CDK14: variants seen among roughly 807,000 people sequenced by gnomAD.
The protein encoded by CDK14 is cyclin-dependent kinase 14.
CDK14 carries 34 observed loss-of-function variants against 60.7 expected under a neutral mutation model. The ratio of observed to expected loss-of-function variants is 0.56; its 90% CI spans 0.43 to 0.75. The LOEUF (loss-of-function observed/expected upper bound fraction) is 0.75. CDK14 is among the 30% of genes least tolerant of loss of function. The pLI, the probability that CDK14 is intolerant of heterozygous loss-of-function variation, is 0.00. For missense variants in CDK14, 482 were observed against 564.1 expected, an observed-to-expected ratio of 0.85 and a Z score of 1.47; for synonymous variants, 197 against 203.7, an observed-to-expected ratio of 0.97 and a Z score of 0.28.
At chr7:90,810,322 A>G (rs1232335845) in intron 5 of CDK14, among the ~76,000 whole-genome samples, 1 of 152,234 alleles carries the variant, frequency 6.6e-6, no homozygotes, top group African/African-American at 2.4e-5. Flanking sequence ...CAACATATGC[A>G]AATCAAAAAA....
At chr7:90,843,967 A>G (rs546875767) in intron 5 of CDK14, among the ~76,000 whole-genome samples, 5 of 152,084 alleles carry the variant, frequency 3.3e-5, no homozygotes, top group Non-Finnish European at 5.9e-5. Flanking sequence ...AAAGGTAAGC[A>G]TTTTCACCCT....
At chr7:90,918,215 T>G (rs572111940) in intron 8 of CDK14, among the ~76,000 whole-genome samples, 1 of 152,182 alleles carries the variant, frequency 6.6e-6, no homozygotes, top group Non-Finnish European at 1.5e-5. Flanking sequence ...TACACAATAA[T>G]GTACATTGCC....
chr7:90,723,486 C>T (rs1255412289), intron 2 of CDK14, among the ~76,000 whole-genome samples: 5 of 152,096 alleles, frequency 3.3e-5, no homozygotes, highest in African/African-American at 4.8e-5. Flanking sequence ...GCCGGCTTTC[C>T]CCAGGTCTGG....
intron 12 of CDK14, among the ~76,000 whole-genome samples, chr7:91,084,842 C>T (rs112174265): frequency 6.6e-5 from 10 of 152,318 alleles, no homozygotes; most frequent in East Asian, 1.9e-4. Flanking sequence ...CAAAAGTGCA[C>T]GCTTACGATG....
chr7:90,811,481 G>A (rs2117042783), intron 5 of CDK14, among the ~76,000 whole-genome samples: 1 of 152,302 alleles, frequency 6.6e-6, no homozygotes, highest in South Asian at 2.1e-4. Context: ...ATGGATTAAA[G>A]ACTTAAACGT....
At chr7:90,687,518 CAGT>C (rs1257195012) in intron 2 of CDK14, among the ~76,000 whole-genome samples, 1 of 151,832 alleles carries the variant, frequency 6.6e-6, no homozygotes, top group Non-Finnish European at 1.5e-5. Flanking sequence ...AAGATGGAAA[CAGT>C]AGTACTGAAA....
intron 7 of CDK14, among the ~76,000 whole-genome samples, chr7:90,913,423 A>G (rs937288249): frequency 1.3e-5 from 2 of 152,236 alleles, no homozygotes; most frequent in Admixed American, 1.3e-4. Flanking sequence ...CTAAAAGTTC[A>G]TAGAAAAATT....
At chr7:90,679,496 A>G (rs1295957699) in intron 2 of CDK14, among the ~76,000 whole-genome samples, 1 of 152,158 alleles carries the variant, frequency 6.6e-6, no homozygotes, top group East Asian at 1.9e-4. Context: ...ATTATCCCTC[A>G]CCAAATAAAT....
chr7:91,169,598 A>T (rs1052041843), intron 14 of CDK14, among the ~76,000 whole-genome samples: 1 of 152,222 alleles, frequency 6.6e-6, no homozygotes, highest in African/African-American at 2.4e-5. Flanking sequence ...GGTCTTGTTC[A>T]CACTTATTTG....
chr7:91,057,855 G>T (rs1223692939), intron 11 of CDK14, among the ~76,000 whole-genome samples: 2 of 152,112 alleles, frequency 1.3e-5, no homozygotes, highest in Admixed American at 1.3e-4. Context: ...CTCCAGCTTT[G>T]TTCTTTTGGC....
At chr7:90,645,825 C>G (rs1347282331) in intron 2 of CDK14, among the ~76,000 whole-genome samples, 1 of 152,178 alleles carries the variant, frequency 6.6e-6, no homozygotes, top group Non-Finnish European at 1.5e-5. Context: ...GAAAAAAGAA[C>G]GTTGAAAATG....
At chr7:91,173,046 G>A (rs1359607777) in intron 14 of CDK14, among the ~76,000 whole-genome samples, 2 of 151,964 alleles carry the variant, frequency 1.3e-5, no homozygotes, top group Non-Finnish European at 2.9e-5. Context: ...CTTTTCTAAT[G>A]GCCTTTCTTC....
At chr7:90,809,298 G>C (rs544490724) in intron 5 of CDK14, among the ~76,000 whole-genome samples, 1 of 152,238 alleles carries the variant, frequency 6.6e-6, no homozygotes, top group East Asian at 1.9e-4. Flanking sequence ...AATCAAACTA[G>C]AACTCAGGAT....
intron 11 of CDK14, among the ~76,000 whole-genome samples, chr7:91,068,805 A>AT: frequency 1.1e-5 from 1 of 95,128 alleles, no homozygotes. Flanking sequence ...GATACCTTAT[A>AT]TTAAAAAAAA....
intron 14 of CDK14, among the ~76,000 whole-genome samples, chr7:91,144,829 A>G (rs904727171): frequency 3.9e-5 from 6 of 152,146 alleles, no homozygotes; most frequent in African/African-American, 1.4e-4. Context: ...CAAGAGAGAG[A>G]TGATTAAAAA....
At chr7:91,106,317 A>T (rs1325524401) in intron 12 of CDK14, among the ~76,000 whole-genome samples, 1 of 152,242 alleles carries the variant, frequency 6.6e-6, no homozygotes, top group East Asian at 1.9e-4. Context: ...TTGAGCCTGC[A>T]TATAGAATTA....
chr7:90,894,788 C>A (rs1181845955), intron 6 of CDK14, among the ~76,000 whole-genome samples: 1 of 152,070 alleles, frequency 6.6e-6, no homozygotes, highest in African/African-American at 2.4e-5. Flanking sequence ...TTCTTTTGTA[C>A]CCACCACTAT....
At chr7:90,772,222 T>C (rs775371241) in intron 4 of CDK14, among the ~76,000 whole-genome samples, 2 of 152,210 alleles carry the variant, frequency 1.3e-5, no homozygotes, top group East Asian at 3.9e-4. Context: ...TCTGCCTCCA[T>C]GTGCCTGCCA....
intron 4 of CDK14, among the ~76,000 whole-genome samples, chr7:90,772,295 A>G (rs895356811): frequency 1.3e-5 from 2 of 152,224 alleles, no homozygotes; most frequent in Non-Finnish European, 2.9e-5. Flanking sequence ...GCTTTCACCA[A>G]TAAATCAAAA....
Sources: gnomAD v4.1 joint callset for allele counts (sites outside exome capture counted in the v4.1 genomes callset) on GRCh38, gnomAD v4.1.1 for gene constraint, MANE v1.5 for transcripts, NCBI Gene and HGNC (gene_info 2026-07-23, HGNC 2026-07-21) for gene names.